The following HIVEP2 variants were observed in gnomAD, a reference collection of about 807,000 sequenced individuals.
HIVEP2 encodes HIVEP zinc finger 2.
In HIVEP2, 14 loss-of-function variants were observed where a neutral mutation model predicts 180.7. The observed-to-expected ratio is 0.08, with a 90% CI of 0.05 to 0.12. HIVEP2 has a LOEUF of 0.12. Among genes scored for constraint, HIVEP2 ranks in the 10% least tolerant of loss-of-function variants. The pLI is 1.00. For synonymous variants in HIVEP2, 1,184 were observed against 1,136.4 expected (o/e 1.04, Z -0.84); for missense variants, 2,579 against 3,008.5 (o/e 0.86, Z 3.34).
intron 1 of HIVEP2, among the ~76,000 whole-genome samples, chr6:142,896,441 A>G (rs745501800): frequency 6.6e-5 from 10 of 152,002 alleles, no homozygotes; most frequent in Non-Finnish European, 1.3e-4. Flanking sequence ...TTCGGTCCCT[A>G]TGTAATCTAG....
chr6:142,800,638 C>T (rs1186932066), intron 2 of HIVEP2, among the ~76,000 whole-genome samples: 3 of 152,024 alleles, frequency 2.0e-5, no homozygotes, highest in Admixed American at 1.3e-4. Flanking sequence ...CTTAGAAATG[C>T]TTCCCTTTAA....
At chr6:142,832,613 G>A (rs577203003) in intron 2 of HIVEP2, among the ~76,000 whole-genome samples, 2 of 152,174 alleles carry the variant, frequency 1.3e-5, no homozygotes, top group Non-Finnish European at 2.9e-5. Flanking sequence ...ATTCATGGGT[G>A]AGACATCAAT....
intron 1 of HIVEP2, among the ~76,000 whole-genome samples, chr6:142,855,801 T>C (rs1409335642): frequency 1.3e-5 from 2 of 152,188 alleles, no homozygotes; most frequent in Non-Finnish European, 2.9e-5. Flanking sequence ...AAGTGTAAAA[T>C]TATATTTGTA....
chr6:142,846,533 G>A (rs1202913730), intron 1 of HIVEP2, among the ~76,000 whole-genome samples: 1 of 152,184 alleles, frequency 6.6e-6, no homozygotes, highest in Non-Finnish European at 1.5e-5. Flanking sequence ...CATCAATTCT[G>A]TTTAATTAGA....
intron 2 of HIVEP2, among the ~76,000 whole-genome samples, chr6:142,832,625 T>G (rs1013791829): frequency 1.4e-4 from 21 of 152,234 alleles, no homozygotes; most frequent in Non-Finnish European, 2.8e-4. Flanking sequence ...GACATCAATG[T>G]GATATCAGAT....
intron 2 of HIVEP2, among the ~76,000 whole-genome samples, chr6:142,811,919 T>C (rs189918655): frequency 2.3e-4 from 35 of 152,248 alleles, no homozygotes; most frequent in Middle Eastern, 3.4e-3. Context: ...GTAGACAACA[T>C]GCATGAAACA....
chr6:142,885,104 A>C (rs911064957), intron 1 of HIVEP2, among the ~76,000 whole-genome samples: 2 of 152,146 alleles, frequency 1.3e-5, no homozygotes, highest in African/African-American at 4.8e-5. Flanking sequence ...AATCTAACTG[A>C]TTTGGAAAAC....
At chr6:142,862,601 G>A (rs1165369604) in intron 1 of HIVEP2, among the ~76,000 whole-genome samples, 3 of 141,098 alleles carry the variant, frequency 2.1e-5, no homozygotes, top group South Asian at 2.2e-4. Flanking sequence ...ACATATAATC[G>A]ATTCATAATC....
intron 9 of HIVEP2, among the ~76,000 whole-genome samples, chr6:142,754,655 A>G (rs1775018273): frequency 6.6e-6 from 1 of 152,254 alleles, no homozygotes; most frequent in Admixed American, 6.5e-5. Context: ...TCATAGAAGT[A>G]GTTAACATTA....
At chr6:142,923,281 A>C (rs1039150266) in intron 1 of HIVEP2, among the ~76,000 whole-genome samples, 1 of 152,018 alleles carries the variant, frequency 6.6e-6, no homozygotes, top group African/African-American at 2.4e-5. Flanking sequence ...CAGTGAGCTG[A>C]GATCGTGCCA....
At chr6:142,931,668 T>C (rs936108918) in intron 1 of HIVEP2, among the ~76,000 whole-genome samples, 9 of 152,188 alleles carry the variant, frequency 5.9e-5, no homozygotes, top group Non-Finnish European at 1.3e-4. Flanking sequence ...GCAAAATACA[T>C]ATACTCCTTG....
In HIVEP2 at chr6:142,867,661, T is replaced by C. The variant is rs1231635210; in HGVS notation, c.-640-30614A>G. Among the ~76,000 whole-genome samples, 6 of 152,314 alleles carry C rather than the reference T, an allele frequency of 3.9e-5. No individual in the cohort carries two copies. The South Asian group carries it at 6.2e-4, about 16-fold the overall frequency. On this transcript the variant is annotated intron_variant, in intron 1 of 9. Transcript: ENST00000367603. The stretch of plus-strand genomic sequence containing the variant: ...AAGCTGTGAATGTTGGACATGGCTC[T>C]TATAAAGTTTTCCTGAGCCAATCAA...
At position 142,773,871 on chromosome 6, in the gene HIVEP2, C is replaced by T. The variant is rs1775623278; in HGVS notation, c.868G>A (p.Glu290Lys). ...DTDEESSLFA[E>K]ASDKMSPGPP... is the part of the protein sequence containing the mutation. Reference sequence around the variant, plus strand: ...CCAGGACTCATTTTGTCAGAAGCCTCGGCAAATAAAGAACTCTCCTCATCT... The same window carrying T: ...CCAGGACTCATTTTGTCAGAAGCCTTGGCAAATAAAGAACTCTCCTCATCT... Residue 290 changes from glutamate to lysine, a missense_variant, in exon 5 of 10, where the codon GAG becomes AAG. Physicochemically the swap from Glu to Lys is moderately conservative, Grantham distance 56. Coordinates refer to ENST00000367603, the MANE Select transcript of HIVEP2 (RefSeq NM_006734.4). The T allele has an allele frequency of 3.7e-6, 6 of 1,613,552 alleles. No homozygotes were observed. The highest frequency in any genetic ancestry group is 4.5e-5 in the East Asian group (2 of 44,882).
chr6:142,753,177 C>T lies in HIVEP2; in HGVS notation c.7271G>A (p.Ser2424Asn). Reference protein sequence around the residue: ...CVDDKQLDFHSSKELSSSTEE... With the variant: ...CVDDKQLDFHNSKELSSSTEE... ...TGTGCTTGAAGATAATTCCTTGCTGCTGTGAAAGTCCAACTGCTTGTCATC... is the reference window on the plus strand; with the variant it reads ...TGTGCTTGAAGATAATTCCTTGCTGTTGTGAAAGTCCAACTGCTTGTCATC... The change falls in exon 10 of 10, where the codon AGC becomes AAC. Residue 2424 changes from serine to asparagine, a missense_variant. This residue lies in a region of HIVEP2 where 660 missense variants were observed against 731.7 expected (regional missense o/e 0.90). Coordinates refer to ENST00000367603, the MANE Select transcript of HIVEP2 (RefSeq NM_006734.4). 6.2e-7 allele frequency: 1 copy of T among 1,613,810 alleles called. No homozygotes were observed. Among genetic ancestry groups the T allele is most frequent in the African/African-American group, 1.3e-5 (1 of 75,050 alleles).
At chr6:142,914,007 A>G (rs1339282573) in intron 1 of HIVEP2, among the ~76,000 whole-genome samples, 1 of 140,884 alleles carries the variant, frequency 7.1e-6, no homozygotes, top group African/African-American at 2.9e-5. Context: ...TCAGTATATG[A>G]AAAAAAAAAA....
rs1389265168 is a variant in HIVEP2, at chr6:142,825,732, C to T, written c.-528+11203G>A. ...CAGAGAGTGTGACTAAAAATGCTAT[C>T]GTGAGTTAAAAAGATTTAAAAATGT... On this transcript the variant is annotated intron_variant, in intron 2 of 9. Coordinates refer to ENST00000367603, the MANE Select transcript of HIVEP2 (RefSeq NM_006734.4). Among the ~76,000 whole-genome samples the T allele has an allele frequency of 2.0e-4, 31 of 152,066 alleles. 1 individual carries two copies. Among genetic ancestry groups the T allele is most frequent in the Admixed American group, 1.8e-3 (28 of 15,270 alleles).
intron 2 of HIVEP2, among the ~76,000 whole-genome samples, chr6:142,791,558 GC>G (rs1431142826): frequency 2.6e-5 from 4 of 152,108 alleles, no homozygotes; most frequent in Non-Finnish European, 4.4e-5. Context: ...ATCCTATTGG[GC>G]AAATTCTGTC....
chr6:142,841,213 T>C (rs962098519), intron 1 of HIVEP2, among the ~76,000 whole-genome samples: 2 of 152,288 alleles, frequency 1.3e-5, no homozygotes, highest in South Asian at 2.1e-4. Context: ...TGTATTCAGA[T>C]AGTTCTGACC....
Position 142,811,026 on chromosome 6 carries a change from G to A in HIVEP2, c.-528+25909C>T, listed in dbSNP as rs910387120. ...AACATTAACTATGTAAGCGGTACAT[G>A]TGTACACCATATTGAGAAAAACCGA... On this transcript the variant is annotated intron_variant, in intron 2 of 9. Transcript: ENST00000367603. Among the ~76,000 whole-genome samples the A allele has an allele frequency of 5.3e-5, 8 of 152,298 alleles. No individual in the cohort carries two copies. In the East Asian group the frequency reaches 1.3e-3, roughly 26 times the overall value.
Sources: gnomAD v4.1 joint callset for allele counts (sites outside exome capture counted in the v4.1 genomes callset) on GRCh38, gnomAD v4.1.1 for gene constraint, gnomAD v4.1.1 regional missense constraint, MANE v1.5 for transcripts, NCBI Gene and HGNC (gene_info 2026-07-23, HGNC 2026-07-21) for gene names.